TNRC6B: variants seen among roughly 807,000 people sequenced by gnomAD.
The protein encoded by TNRC6B is trinucleotide repeat containing adaptor 6B.
TNRC6B carries 52 observed loss-of-function variants against 203.6 expected under a neutral mutation model. That is an observed-to-expected ratio of 0.26 (90% confidence interval 0.20 to 0.32). The LOEUF (loss-of-function observed/expected upper bound fraction) is 0.32, where lower values mean the gene tolerates loss of function less well. Among genes scored for constraint, TNRC6B ranks in the 10% least tolerant of loss-of-function variants. TNRC6B has a pLI of 1.00. For missense variants in TNRC6B, 1,923 were observed against 2,286.2 expected (o/e 0.84, Z 3.24); for synonymous variants, 838 against 845.7 (o/e 0.99, Z 0.16).
intron 11 of TNRC6B, among the ~76,000 whole-genome samples, chr22:40,283,698 G>C (rs944311322): frequency 6.6e-6 from 1 of 152,114 alleles, no homozygotes; most frequent in Non-Finnish European, 1.5e-5. Flanking sequence ...GTGGCTGTAG[G>C]GTCACTTGAT....
In TNRC6B at chr22:40,076,281, G is replaced by A. The variant is rs575859235; in HGVS notation, c.-121+31283G>A. Among the ~76,000 whole-genome samples, 6 of 152,252 alleles carry A rather than the reference G, an allele frequency of 3.9e-5. No individual in the cohort carries two copies. The East Asian group carries it at 9.7e-4, about 24-fold the overall frequency. On this transcript the variant is annotated intron_variant, in intron 1 of 23. Coordinates refer to the TNRC6B transcript ENST00000301923. ...AAAATACAAAAATTAGGCAGACATG[G>A]CAGCATACATCTGTAGTTCCAGCTA...
chr22:40,331,845 A>G lies in TNRC6B; in HGVS notation c.*8604A>G. The G allele has an allele frequency of 2.8e-6, 1 of 359,748 alleles. No individual in the cohort carries two copies. Among genetic ancestry groups the G allele is most frequent in the Non-Finnish European group, 5.0e-6 (1 of 199,662 alleles). 22.3% of individuals were successfully genotyped at this position (359,748 alleles called of 1,614,324 possible). The stretch of plus-strand genomic sequence containing the variant: ...TGGTGTCCCCGTGTCCTGGAGGGGA[A>G]GGGGAGTGAGAGACGAATGTGGTAA... On this transcript the variant is annotated 3_prime_UTR_variant, in exon 23 of 23. Coordinates refer to ENST00000454349, the MANE Select transcript of TNRC6B (RefSeq NM_001162501.2).
At chr22:40,147,662 C>CT (rs1364888469) in intron 3 of TNRC6B, among the ~76,000 whole-genome samples, 1 of 152,188 alleles carries the variant, frequency 6.6e-6, no homozygotes, top group Non-Finnish European at 1.5e-5. Context: ...CTCTTATGAC[C>CT]TAAACACCTT....
At chr22:40,261,222 G>T (rs2070377174) in intron 3 of TNRC6B, among the ~76,000 whole-genome samples, 1 of 152,074 alleles carries the variant, frequency 6.6e-6, no homozygotes, top group South Asian at 2.1e-4. Flanking sequence ...GGAGGTAGAA[G>T]TTGCAGCAAG....
chr22:40,257,705 A>C (rs1403297997), intron 3 of TNRC6B, among the ~76,000 whole-genome samples: 1 of 150,760 alleles, frequency 6.6e-6, no homozygotes, highest in Non-Finnish European at 1.5e-5. Flanking sequence ...AACAAGAGCG[A>C]AACTCCGCCT....
At chr22:40,236,942 A>T (rs970045347) in intron 1 of TNRC6B, among the ~76,000 whole-genome samples, 2 of 151,962 alleles carry the variant, frequency 1.3e-5, no homozygotes, top group Non-Finnish European at 2.9e-5. Context: ...AGGCGGGCGG[A>T]TTATCTGAGG....
intron 1 of TNRC6B, among the ~76,000 whole-genome samples, chr22:40,222,468 G>A (rs1435547934): frequency 6.6e-6 from 1 of 152,086 alleles, no homozygotes; most frequent in African/African-American, 2.4e-5. Flanking sequence ...GAGTTCTCAA[G>A]GAGGAATCCT....
intron 1 of TNRC6B, among the ~76,000 whole-genome samples, chr22:40,207,412 A>AAG (rs2069494100): frequency 8.7e-6 from 1 of 115,446 alleles, no homozygotes; most frequent in African/African-American, 5.2e-5. Flanking sequence ...GCCTCAAAAA[A>AAG]AAAAAAATAT....
chr22:40,049,900 G>A (rs573298167), intron 1 of TNRC6B, among the ~76,000 whole-genome samples: 2 of 152,158 alleles, frequency 1.3e-5, no homozygotes, highest in East Asian at 1.9e-4. Context: ...CACCGCGCCC[G>A]GCTGGCATTC....
At chr22:40,297,472 C>T (rs1337551082) in intron 12 of TNRC6B, among the ~76,000 whole-genome samples, 1 of 152,096 alleles carries the variant, frequency 6.6e-6, no homozygotes, top group Non-Finnish European at 1.5e-5. Context: ...GGAGCATCTT[C>T]TATATGCCAT....
chr22:40,231,053 C>A (rs8135487), intron 1 of TNRC6B, among the ~76,000 whole-genome samples: 29,356 of 147,844 alleles, frequency 0.2, 3,115 homozygotes, highest in Admixed American at 0.32. Flanking sequence ...CTCTCTCTCT[C>A]TATATATATA....
intron 1 of TNRC6B, among the ~76,000 whole-genome samples, chr22:40,239,174 G>A (rs575953578): frequency 7.6e-4 from 116 of 152,070 alleles, no homozygotes; most frequent in African/African-American, 2.6e-3. Context: ...CGGCACTGCA[G>A]CGTGGGTGAC....
intron 1 of TNRC6B, among the ~76,000 whole-genome samples, chr22:40,080,910 G>C (rs1021378935): frequency 6.6e-6 from 1 of 151,034 alleles, no homozygotes; most frequent in Non-Finnish European, 1.5e-5. Flanking sequence ...AGGCTGGAGT[G>C]CAGTGGTGCA....
chr22:40,226,157 C>A (rs2069782558), intron 1 of TNRC6B, among the ~76,000 whole-genome samples: 1 of 152,158 alleles, frequency 6.6e-6, no homozygotes, highest in African/African-American at 2.4e-5. Flanking sequence ...CAAGGTAATT[C>A]AATTATTCAG....
chr22:40,144,569 G>A (rs931773823), intron 3 of TNRC6B, among the ~76,000 whole-genome samples: 3 of 151,534 alleles, frequency 2.0e-5, no homozygotes, highest in African/African-American at 7.3e-5. Context: ...CAGCTACTTG[G>A]TAGGCTGAGG....
chr22:40,270,020 C>T (rs2070536950), intron 5 of TNRC6B, 102 bp from the exon 6 acceptor site: 2 of 1,147,000 alleles, frequency 1.7e-6, no homozygotes, highest in South Asian at 3.3e-5. Flanking sequence ...ACATTTCTAC[C>T]AACAGAATAT....
At chr22:40,283,551 A>G (rs2070744690) in intron 11 of TNRC6B, among the ~76,000 whole-genome samples, 1 of 152,224 alleles carries the variant, frequency 6.6e-6, no homozygotes, top group African/African-American at 2.4e-5. Context: ...GTGCAAAAAT[A>G]GCTATATTGG....
chr22:40,308,183 G>A (rs1375887701), intron 15 of TNRC6B, among the ~76,000 whole-genome samples: 5 of 152,286 alleles, frequency 3.3e-5, no homozygotes, highest in Non-Finnish European at 7.3e-5. Context: ...TTGGCTGGAT[G>A]TCGTCTTCTC....
chr22:40,224,507 T>C (rs2146440735), intron 1 of TNRC6B, among the ~76,000 whole-genome samples: 1 of 152,232 alleles, frequency 6.6e-6, no homozygotes, highest in South Asian at 2.1e-4. Context: ...TAAATGCTGA[T>C]TTTTTTCCCC....
Sources: allele counts gnomAD v4.1 joint callset (sites outside exome capture counted in the v4.1 genomes callset), GRCh38; gene constraint gnomAD v4.1.1; transcripts MANE v1.5; gene names NCBI Gene and HGNC (gene_info 2026-07-23, HGNC 2026-07-21).